Variants in VRK2 observed in about 807,000 individuals in gnomAD.
VRK2 encodes serine/threonine-protein kinase VRK2.
In VRK2, 60 loss-of-function variants were observed where a neutral mutation model predicts 57.6. The ratio of observed to expected loss-of-function variants is 1.04; its 90% CI spans 0.85 to 1.29. The LOEUF is 1.29. Among genes scored for constraint, VRK2 ranks in the 50% most tolerant of loss-of-function variants. The probability of loss-of-function intolerance (pLI) is 0.00; values close to 1 mark genes in which losing one functional copy is unlikely to be tolerated. For missense variants in VRK2, 705 were observed against 588.1 expected, an observed-to-expected ratio of 1.20 and a Z score of -2.06; for synonymous variants, 231 against 199.2, an observed-to-expected ratio of 1.16 and a Z score of -1.35.
At chr2:58,158,533 G>T (rs1684379281) in intron 12 of VRK2, among the ~76,000 whole-genome samples, 1 of 151,382 alleles carries the variant, frequency 6.6e-6, no homozygotes, top group South Asian at 2.1e-4. Context: ...ATGATGGACA[G>T]TGAACAAGCT....
intron 1 of VRK2, among the ~76,000 whole-genome samples, chr2:57,988,805 C>G (rs141464616): frequency 1.1e-4 from 16 of 152,284 alleles, no homozygotes; most frequent in African/African-American, 3.9e-4. Flanking sequence ...GGTGTACAAA[C>G]AGCATATTGC....
At chr2:58,076,128 C>A (rs1338518612) in intron 2 of VRK2, among the ~76,000 whole-genome samples, 8 of 84,456 alleles carry the variant, frequency 9.5e-5, no homozygotes, top group Non-Finnish European at 1.4e-4. Flanking sequence ...TTTTTTTGGT[C>A]TATATTTTAT....
intron 1 of VRK2, among the ~76,000 whole-genome samples, chr2:57,955,929 A>T (rs1671573102): frequency 6.6e-6 from 1 of 152,194 alleles, no homozygotes; most frequent in African/African-American, 2.4e-5. Context: ...GATGTTATAA[A>T]TAAGGGTTAA....
intron 8 of VRK2, among the ~76,000 whole-genome samples, chr2:58,124,431 T>A (rs1677997862): frequency 6.6e-6 from 1 of 152,254 alleles, no homozygotes; most frequent in Non-Finnish European, 1.5e-5. Context: ...ACTTTGGCTT[T>A]CAAAATTATA....
At chr2:58,154,039 C>A (rs548117676) in intron 12 of VRK2, among the ~76,000 whole-genome samples, 2 of 152,082 alleles carry the variant, frequency 1.3e-5, no homozygotes, top group South Asian at 4.1e-4. Context: ...GTGATTTTTC[C>A]AGGAATTGGT....
intron 1 of VRK2, among the ~76,000 whole-genome samples, chr2:57,928,087 T>C (rs1484692619): frequency 6.6e-6 from 1 of 152,142 alleles, no homozygotes; most frequent in Admixed American, 6.6e-5. Context: ...GCTTGGGAAG[T>C]TCTCAGTTAT....
At chr2:57,936,518 G>GTTTTTTTTTT (rs200492675) in intron 1 of VRK2, among the ~76,000 whole-genome samples, 5 of 134,976 alleles carry the variant, frequency 3.7e-5, no homozygotes, top group African/African-American at 8.7e-5. Context: ...GTTTTGTTTT[G>GTTTTTTTTTT]TTTTGTTTTT....
At chr2:57,937,277 G>A (rs528303558) in intron 1 of VRK2, among the ~76,000 whole-genome samples, 19 of 152,218 alleles carry the variant, frequency 1.2e-4, no homozygotes, top group African/African-American at 3.4e-4. Flanking sequence ...TTACTCTGGG[G>A]TTCATAAGAA....
chr2:58,023,208 G>T (rs191939676), intron 1 of VRK2, among the ~76,000 whole-genome samples: 7 of 152,126 alleles, frequency 4.6e-5, no homozygotes, highest in Non-Finnish European at 8.8e-5. Context: ...CTTTAGGCAC[G>T]TCAAATAAGT....
chr2:57,963,163 T>C (rs916919772), intron 1 of VRK2, among the ~76,000 whole-genome samples: 1 of 152,218 alleles, frequency 6.6e-6, no homozygotes, highest in Non-Finnish European at 1.5e-5. Flanking sequence ...TCCCCAAAGC[T>C]AGATACCAGT....
intron 2 of VRK2, chr2:58,026,859 C>G (rs1027725119): frequency 6.6e-6 from 1 of 151,816 alleles, no homozygotes; most frequent in African/African-American, 2.4e-5. Context: ...GCTAGGAGCA[C>G]AGGTATGCAC....
At chr2:57,983,527 A>G (rs1672498320) in intron 1 of VRK2, among the ~76,000 whole-genome samples, 1 of 152,180 alleles carries the variant, frequency 6.6e-6, no homozygotes, top group Non-Finnish European at 1.5e-5. Context: ...AAACTGCCAT[A>G]TAAGTATAAA....
In VRK2 at chr2:58,133,430, A is replaced by G. The variant is rs567062372; in HGVS notation, c.797+1502A>G. Among the ~76,000 whole-genome samples, 4 of 152,340 alleles carry G rather than the reference A, an allele frequency of 2.6e-5. 1 individual carries two copies. Among genetic ancestry groups the G allele is most frequent in the African/African-American group, 9.6e-5 (4 of 41,580 alleles). ...TTCAGATAAACCATAGACATTTTCAAACTTATTATAGTACATAATACATAA... is the reference window on the plus strand; with the variant it reads ...TTCAGATAAACCATAGACATTTTCAGACTTATTATAGTACATAATACATAA... On this transcript the variant is annotated intron_variant, in intron 9 of 12. Transcript: ENST00000340157.
At chr2:57,982,284 C>T (rs1229610129) in intron 1 of VRK2, among the ~76,000 whole-genome samples, 1 of 152,180 alleles carries the variant, frequency 6.6e-6, no homozygotes, top group Non-Finnish European at 1.5e-5. Flanking sequence ...TCCCAGTTTG[C>T]TGGCAACAAC....
chr2:57,968,614 T>C (rs532389148), intron 1 of VRK2, among the ~76,000 whole-genome samples: 1 of 152,190 alleles, frequency 6.6e-6, no homozygotes, highest in East Asian at 1.9e-4. Flanking sequence ...CATTTTAAGA[T>C]TATCGATGTT....
rs763456981 is a variant in VRK2 at position 58,159,553 on chromosome 2, G to T, written c.1387G>T (p.Asp463Tyr). 6.2e-7 allele frequency: 1 copy of T among 1,613,796 alleles called. No homozygotes were observed. Among genetic ancestry groups the T allele is most frequent in the Non-Finnish European group, 8.5e-7 (1 of 1,179,812 alleles). The change falls in exon 13 of 13, where the codon GAC becomes TAC. Residue 463 changes from aspartate to tyrosine, a missense_variant. Asp to Tyr is a radical substitution (Grantham distance 160). Coordinates refer to ENST00000340157, the MANE Select transcript of VRK2 (RefSeq NM_006296.7). ...YTSTVSTGIT[D>Y]LESSTGLWPT... ...TTCCACAGTCAGCACGGGGATCACA[G>T]ACTTAGAAAGTTCAACTGGACTTTG...
intron 1 of VRK2, among the ~76,000 whole-genome samples, chr2:57,953,072 C>T (rs906554571): frequency 6.6e-6 from 1 of 152,138 alleles, no homozygotes; most frequent in Admixed American, 6.5e-5. Flanking sequence ...GTTGAGAAAC[C>T]TTAAAGACAA....
chr2:58,154,903 C>T (rs1683564631), intron 12 of VRK2: 4 of 574,260 alleles, frequency 7.0e-6, no homozygotes, highest in Non-Finnish European at 9.5e-6. Flanking sequence ...ATATATTTCC[C>T]CTTGAGACTT....
intron 3 of VRK2, among the ~76,000 whole-genome samples, chr2:58,036,743 C>T (rs532561990): frequency 6.6e-6 from 1 of 152,124 alleles, no homozygotes; most frequent in East Asian, 1.9e-4. Context: ...TAGTTAGTGT[C>T]AGCCTCCTGC....
Sources: allele counts gnomAD v4.1 joint callset (sites outside exome capture counted in the v4.1 genomes callset), GRCh38; gene constraint gnomAD v4.1.1; transcripts MANE v1.5; gene names NCBI Gene and HGNC (gene_info 2026-07-23, HGNC 2026-07-21).